Variants in CDAN1 observed in about 807,000 individuals in gnomAD.
CDAN1 encodes codanin 1.
A neutral mutation model predicts 139.8 loss-of-function variants in CDAN1; 107 were observed. That is an observed-to-expected ratio of 0.77 (90% confidence interval 0.65 to 0.90). The LOEUF is 0.90. Ranked by LOEUF, CDAN1 falls within the 40% of genes least tolerant of loss-of-function variation. CDAN1 has a pLI of 0.00. For synonymous variants in CDAN1, 776 were observed against 660.6 expected (o/e 1.17, Z -2.68); for missense variants, 1,667 against 1,575.7 (o/e 1.06, Z -0.98).
rs139104502 is a variant in CDAN1, at chr15:42,729,073, G to A, written c.2595C>T (p.Thr865=). The change falls in exon 19 of 28, where the codon ACC becomes ACT. Residue 865 remains threonine, a synonymous_variant. Transcript: ENST00000356231. ...FHNQPPSLRR[T]VEFVAERIGS... ...CAATTCTTTCTGCCACGAACTCTAC[G>A]GTCCGGCGCAAGGAGGGCGGCTGGT... 4.2e-5 allele frequency: 67 copies of A among 1,614,088 alleles called. No individual in the cohort carries two copies. The Admixed American group carries it at 4.8e-4, about 12-fold the overall frequency.
chr15:42,727,630 G>C lies in CDAN1; in HGVS notation c.3087C>G (p.Ser1029=), dbSNP rs746977550. The change falls in exon 23 of 28, where the codon TCC becomes TCG. Residue 1029 remains serine, a synonymous_variant. Coordinates refer to ENST00000356231, the MANE Select transcript of CDAN1 (RefSeq NM_138477.4). ...HHAPLPSHLI[S]EIKDVLSLAV... The stretch of plus-strand genomic sequence containing the variant: ...TAGGGTAGCCGTGTACTTTTATCTC[G>C]GAGATGAGGTGGGAGGGGAGGGGAG... 115 of 1,573,858 alleles carry C rather than the reference G, an allele frequency of 7.3e-5. No homozygotes were observed. Among genetic ancestry groups the C allele is most frequent in the South Asian group, 3.4e-5 (3 of 87,098 alleles).
chr15:42,731,560 TG>T, intron 11 of CDAN1, 59 bp downstream of exon 11: 1 of 1,575,686 alleles, frequency 6.3e-7, no homozygotes, highest in Admixed American at 1.7e-5. Flanking sequence ...TTTACCCTTT[TG>T]GGAAGCCAAA....
intron 8 of CDAN1, 142 bp downstream of exon 8, chr15:42,733,796 A>G (rs935101539): frequency 2.9e-6 from 2 of 693,160 alleles, no homozygotes; most frequent in African/African-American, 3.5e-5. Flanking sequence ...GGTGGTCCCT[A>G]TGATGGCCGG....
intron 27 of CDAN1, 138 bp downstream of exon 27, chr15:42,725,006 T>C (rs1187922377): frequency 2.7e-6 from 2 of 751,124 alleles, no homozygotes; most frequent in African/African-American, 3.5e-5. Context: ...ACTACTCAAA[T>C]CGGGACAATT....
intron 10 of CDAN1, 103 bp from the exon 11 acceptor site, chr15:42,731,928 A>G (rs1381053993): frequency 2.9e-6 from 3 of 1,031,716 alleles, no homozygotes; most frequent in East Asian, 2.5e-5. Context: ...AGGAATGCCA[A>G]CTGTGTCAAG....
In CDAN1 at chr15:42,736,528, G is replaced by A; in HGVS notation, c.343C>T (p.Leu115=). ...EAQSTAAEAP[L]ARRGGRRRGP... is the part of the protein sequence containing the mutation. Reference sequence around the variant, plus strand: ...CGCCTCCTGCCCCCGCGGCGGGCCAGAGGGGCCTCGGCAGCGGTGCTCTGG... The same window carrying A: ...CGCCTCCTGCCCCCGCGGCGGGCCAAAGGGGCCTCGGCAGCGGTGCTCTGG... The change falls in exon 2 of 28, where the codon CTG becomes TTG. Residue 115 remains leucine, a synonymous_variant. Transcript: ENST00000356231. The A allele has an allele frequency of 2.1e-6, 3 of 1,453,112 alleles. No individual in the cohort carries two copies. The highest frequency in any genetic ancestry group is 2.7e-5 in the South Asian group (2 of 73,880). The allele number at this position is 1,453,112 out of a possible 1,614,324, so 90.0% of individuals were successfully genotyped here. A position where few individuals can be genotyped will look rare whatever the true frequency, so the allele number is the denominator to read the frequency against.
At chr15:42,729,192 CT>C (rs1434226171) in intron 18 of CDAN1, 36 bp downstream of exon 18, 1 of 1,609,296 alleles carries the variant, frequency 6.2e-7, no homozygotes, top group African/African-American at 1.3e-5. Flanking sequence ...CCAACCCCCC[CT>C]CATTTTCCCC....
intron 23 of CDAN1, 80 bp downstream of exon 23, chr15:42,727,541 C>CTGA: frequency 7.6e-7 from 1 of 1,311,026 alleles, no homozygotes; most frequent in South Asian, 1.5e-5. Context: ...AATCCTGGAG[C>CTGA]TGATGTGAGA....
chr15:42,728,343 C>A lies in CDAN1; in HGVS notation c.2805-76G>T, dbSNP rs570121114. On this transcript the variant is annotated intron_variant, in intron 20 of 27. Coordinates refer to ENST00000356231, the MANE Select transcript of CDAN1 (RefSeq NM_138477.4). The stretch of plus-strand genomic sequence containing the variant: ...GCAGAAGTAAATGCCCCGAGTGCAC[C>A]AAGCCCCTGACCTGGGAGGCTGTAC... 5.4e-6 allele frequency: 8 copies of A among 1,493,070 alleles called. No homozygotes were observed. The Admixed American group carries it at 1.0e-4, about 19-fold the overall frequency. The allele number at this position is 1,493,070 out of a possible 1,614,324, so 92.5% of individuals were successfully genotyped here.
At chr15:42,733,213 C>A in intron 8 of CDAN1, 27 bp from the exon 9 acceptor site, 8 of 1,598,310 alleles carry the variant, frequency 5.0e-6, no homozygotes, top group Admixed American at 1.7e-5. Context: ...CCTGATCAGC[C>A]GAGGCACTCA....
At chr15:42,725,042 CA>C (rs2061504209) in intron 27 of CDAN1, 101 bp downstream of exon 27, 1 of 983,948 alleles carries the variant, frequency 1.0e-6, no homozygotes, top group African/African-American at 1.6e-5. Context: ...AGACTCTTGA[CA>C]AAAATCCACT....
At chr15:42,733,068 A>T (rs1250382487) in intron 9 of CDAN1, 29 bp downstream of exon 9, 1 of 1,605,924 alleles carries the variant, frequency 6.2e-7, no homozygotes, top group Non-Finnish European at 8.5e-7. Flanking sequence ...CATTGCCAGG[A>T]ACAAGAAAGA....
intron 23 of CDAN1, 93 bp from the exon 24 acceptor site, chr15:42,726,510 G>A: frequency 3.1e-6 from 3 of 969,834 alleles, no homozygotes; most frequent in South Asian, 1.4e-5. Flanking sequence ...GTGGAGAGAG[G>A]CAGAAGAATG....
chr15:42,726,552 G>T, intron 23 of CDAN1, 135 bp from the exon 24 acceptor site: 1 of 693,486 alleles, frequency 1.4e-6, no homozygotes, highest in East Asian at 2.7e-5. Flanking sequence ...AAGCCAAGTT[G>T]CCCCTAGACC....
In CDAN1 at chr15:42,737,026, G is replaced by A. The variant is rs747138145; in HGVS notation, c.77C>T (p.Thr26Ile). ...CACCGCTGTTACCTCCGAACCCTGG[G>A]TGCTGCGCGCGATCCACCGCACGAC... ...AAVVRWIARSTQGSEDNAGEA... is the reference protein window; with the variant it reads ...AAVVRWIARSIQGSEDNAGEA... The change falls in exon 1 of 28, where the codon ACC (threonine) becomes ATC (isoleucine). Residue 26 changes from threonine to isoleucine, a missense_variant. This residue lies in a region of CDAN1 where 487 missense variants were observed against 422.2 expected (regional missense o/e 1.15). Coordinates refer to ENST00000356231, the MANE Select transcript of CDAN1 (RefSeq NM_138477.4). 23 of 1,548,754 alleles carry A rather than the reference G, an allele frequency of 1.5e-5. No homozygotes were observed. The highest frequency in any genetic ancestry group is 1.7e-5 in the Non-Finnish European group (20 of 1,146,044).
At chr15:42,731,156 T>C in intron 12 of CDAN1, 55 bp downstream of exon 12, 2 of 1,614,218 alleles carry the variant, frequency 1.2e-6, no homozygotes, top group Non-Finnish European at 1.7e-6. Context: ...TTCTTGAACA[T>C]ACTCCCTTCC....
At chr15:42,728,986 T>C (rs747651097) in intron 19 of CDAN1, 37 bp downstream of exon 19, 2 of 1,602,894 alleles carry the variant, frequency 1.2e-6, no homozygotes, top group East Asian at 4.5e-5. Flanking sequence ...GAAAAAATGG[T>C]AGGGCGATGA....
chr15:42,728,814 C>A lies in CDAN1; in HGVS notation c.2646-4G>T. On this transcript the variant is annotated splice_polypyrimidine_tract_variant and splice_region_variant and intron_variant, in intron 19 of 27. Transcript: ENST00000356231. The stretch of plus-strand genomic sequence containing the variant: ...CAGATCTGCCACCAGTGTAGCCCTG[C>A]AGCAGGGACAGCAAGGTTGGGGATG... 6.2e-7 allele frequency: 1 copy of A among 1,614,174 alleles called. No individual in the cohort carries two copies. Among genetic ancestry groups the A allele is most frequent in the Non-Finnish European group, 8.5e-7 (1 of 1,180,012 alleles).
Position 42,735,352 on chromosome 15 carries a change from G to A in CDAN1, c.966C>T (p.Phe322=), listed in dbSNP as rs1351499642. 2 of 1,607,824 alleles carry A rather than the reference G, an allele frequency of 1.2e-6. No individual in the cohort carries two copies. Among genetic ancestry groups the A allele is most frequent in the East Asian group, 4.5e-5 (2 of 44,780 alleles). The change falls in exon 5 of 28, where the codon TTC becomes TTT. Residue 322 remains phenylalanine, a synonymous_variant. Transcript: ENST00000356231. ...GCTGAAAGACGAAGAAAAGCTCCAA[G>A]AAGAGGTTTGGTACCAGGTTCTCTA... is the stretch of plus-strand genomic sequence containing the variant. ...CIAENLVPNL[F]LELFFVFQLL...
Sources: gnomAD v4.1 joint callset for allele counts on GRCh38, gnomAD v4.1.1 for gene constraint, gnomAD v4.1.1 regional missense constraint, MANE v1.5 for transcripts, NCBI Gene and HGNC (gene_info 2026-07-23, HGNC 2026-07-21) for gene names.